Variants in SCFD2 observed in about 807,000 individuals in gnomAD.
SCFD2 encodes the protein sec1 family domain containing 2, also known as sec1 family domain-containing protein 2.
In SCFD2, 54 loss-of-function variants were observed where a neutral mutation model predicts 58.9. The ratio of observed to expected loss-of-function variants is 0.92; its 90% CI spans 0.74 to 1.15. The LOEUF (loss-of-function observed/expected upper bound fraction) is 1.15, where lower values mean the gene tolerates loss of function less well. SCFD2 is among the 50% of genes most tolerant of loss of function. The pLI, the probability that SCFD2 is intolerant of heterozygous loss-of-function variation, is 0.00. For missense variants in SCFD2, 805 were observed against 836.6 expected, an observed-to-expected ratio of 0.96 and a Z score of 0.47; for synonymous variants, 321 against 335.9, an observed-to-expected ratio of 0.96 and a Z score of 0.49.
intron 4 of SCFD2, among the ~76,000 whole-genome samples, chr4:53,207,163 G>A (rs1040351782): frequency 5.9e-5 from 9 of 151,608 alleles, no homozygotes; most frequent in African/African-American, 1.5e-4. Context: ...CATTAGTGAC[G>A]GTTTTGCCCT....
chr4:53,296,375 T>C (rs1490170546), intron 3 of SCFD2, among the ~76,000 whole-genome samples: 1 of 152,212 alleles, frequency 6.6e-6, no homozygotes, highest in African/African-American at 2.4e-5. Context: ...GGAGCGTGTA[T>C]GTGTCCAGGA....
chr4:52,913,043 G>A (rs1410518473), intron 6 of SCFD2, among the ~76,000 whole-genome samples: 3 of 152,164 alleles, frequency 2.0e-5, no homozygotes, highest in Non-Finnish European at 2.9e-5. Context: ...TTGGGAGATT[G>A]GGAGAGGAAT....
Position 53,148,087 on chromosome 4 carries a change from C to T in SCFD2, c.1312-2505G>A, listed in dbSNP as rs557513736. 1.2e-4 allele frequency among the ~76,000 whole-genome samples: 19 copies of T among 152,296 alleles called. No individual in the cohort carries two copies. In the South Asian group the frequency reaches 3.9e-3, roughly 32 times the overall value. ...ACAGATTCTTTCATTGCTTTATGTC[C>T]CATTTCTAGAAACTATGTGTATACA... is the stretch of plus-strand genomic sequence containing the variant. On this transcript the variant is annotated intron_variant, in intron 4 of 8. Coordinates refer to ENST00000401642, the MANE Select transcript of SCFD2 (RefSeq NM_152540.4).
At chr4:53,246,134 A>C (rs1241861997) in intron 4 of SCFD2, among the ~76,000 whole-genome samples, 1 of 152,194 alleles carries the variant, frequency 6.6e-6, no homozygotes, top group Admixed American at 6.5e-5. Flanking sequence ...AATATAGCTA[A>C]TCAGGGAGGG....
At chr4:53,231,495 TA>T (rs1729438534) in intron 4 of SCFD2, among the ~76,000 whole-genome samples, 1 of 152,214 alleles carries the variant, frequency 6.6e-6, no homozygotes, top group South Asian at 2.1e-4. Flanking sequence ...TCTTCACTTC[TA>T]AACTTTAGTC....
Position 53,313,729 on chromosome 4 carries a change from G to A in SCFD2, c.1042C>T (p.Leu348=), listed in dbSNP as rs1306865415. The part of the protein sequence containing the change: ...TTAKALWEAL[L]NTKHKEAVME... ...ACTGCCTCTTTGTGCTTAGTGTTCAGTAAAGCTTCCCATAGGGCTTTGGCT... is the reference window on the plus strand; with the variant it reads ...ACTGCCTCTTTGTGCTTAGTGTTCAATAAAGCTTCCCATAGGGCTTTGGCT... The change falls in exon 3 of 9, where the codon CTG becomes TTG. Residue 348 remains leucine, a synonymous_variant. Coordinates refer to ENST00000401642, the MANE Select transcript of SCFD2 (RefSeq NM_152540.4). The A allele has an allele frequency of 1.5e-5, 24 of 1,613,884 alleles. No homozygotes were observed. Among genetic ancestry groups the A allele is most frequent in the Non-Finnish European group, 1.9e-5 (22 of 1,179,918 alleles).
chr4:53,021,197 T>C (rs1281755869), intron 5 of SCFD2, among the ~76,000 whole-genome samples: 2 of 152,210 alleles, frequency 1.3e-5, no homozygotes, highest in African/African-American at 2.4e-5. Context: ...AGTTGCCACA[T>C]GTCTGAGGTC....
rs1201717283 is a variant in SCFD2, at chr4:52,907,591, C to A, written c.1708G>T (p.Ala570Ser). 1 of 1,613,764 alleles carries A rather than the reference C, an allele frequency of 6.2e-7. No homozygotes were observed. The change falls in exon 7 of 9, where the codon GCA (alanine) becomes TCA (serine). Residue 570 changes from alanine to serine, a missense_variant and splice_region_variant. Physicochemically the swap from Ala to Ser is moderately conservative, Grantham distance 99. This residue lies in a region of SCFD2 where 633 missense variants were observed against 646.8 expected (regional missense o/e 0.98). Coordinates refer to ENST00000401642, the MANE Select transcript of SCFD2 (RefSeq NM_152540.4). ...TGCTTCAACAATGGCTTATAAGATG[C>A]CTGGAAAGACAAAATACTATGAGTA... ...VYVPGNHTHQ[A>S]SYKPLLKQVV...
intron 1 of SCFD2, among the ~76,000 whole-genome samples, chr4:53,354,496 G>A (rs11942086): frequency 6.6e-6 from 1 of 152,092 alleles, no homozygotes; most frequent in South Asian, 2.1e-4. Flanking sequence ...GCTGGCTCCG[G>A]CCTCAACCAG....
Position 53,028,951 on chromosome 4 carries a change from G to A in SCFD2, c.1562-108081C>T, listed in dbSNP as rs1256077810. On this transcript the variant is annotated intron_variant, in intron 5 of 8. Transcript: ENST00000401642. ...AGGTTATTTTCTGAACCATTTCATT[G>A]ACAAACGCATGTTACACATATTTTA... is the stretch of plus-strand genomic sequence containing the variant. Among the ~76,000 whole-genome samples the A allele has an allele frequency of 5.3e-5, 8 of 152,282 alleles. No homozygotes were observed. In the South Asian group the frequency reaches 1.0e-3, roughly 20 times the overall value.
chr4:53,009,613 C>T (rs1006786450), intron 5 of SCFD2, among the ~76,000 whole-genome samples: 3 of 152,160 alleles, frequency 2.0e-5, no homozygotes, highest in Admixed American at 6.5e-5. Context: ...CCTTCGTTCT[C>T]GTAATTCTGA....
At chr4:53,202,610 C>T (rs1728283241) in intron 4 of SCFD2, among the ~76,000 whole-genome samples, 1 of 152,112 alleles carries the variant, frequency 6.6e-6, no homozygotes, top group South Asian at 2.1e-4. Context: ...TGTAAATTAC[C>T]TTGGGCAGTA....
chr4:53,351,780 T>C (rs1734227589), intron 2 of SCFD2, among the ~76,000 whole-genome samples: 2 of 152,150 alleles, frequency 1.3e-5, no homozygotes, highest in African/African-American at 4.8e-5. Flanking sequence ...TTCTTAAATA[T>C]CTACAAAAAG....
chr4:53,058,502 T>C (rs1336034817), intron 5 of SCFD2, among the ~76,000 whole-genome samples: 4 of 152,150 alleles, frequency 2.6e-5, no homozygotes, highest in Admixed American at 2.0e-4. Context: ...TGGCTGCACA[T>C]TGGTATCACC....
intron 5 of SCFD2, among the ~76,000 whole-genome samples, chr4:52,980,458 T>C (rs1457264970): frequency 6.6e-6 from 1 of 152,186 alleles, no homozygotes; most frequent in Non-Finnish European, 1.5e-5. Context: ...CCTCATCAGC[T>C]GTTGAGCATT....
rs1021014476 is a variant in SCFD2 at position 53,256,485 on chromosome 4, G to A, written c.1311+17341C>T. 3.5e-4 allele frequency among the ~76,000 whole-genome samples: 53 copies of A among 152,234 alleles called. No individual in the cohort carries two copies. The Middle Eastern group carries it at 0.014, about 39-fold the overall frequency. On this transcript the variant is annotated intron_variant, in intron 4 of 8. Transcript: ENST00000401642. ...TCACTTCCCAGACGGGGTGGCGGCC[G>A]GGCAGAGGCTGCAATCTCGGCACTT...
At chr4:53,211,856 A>G (rs1236754292) in intron 4 of SCFD2, among the ~76,000 whole-genome samples, 3 of 152,148 alleles carry the variant, frequency 2.0e-5, no homozygotes, top group African/African-American at 7.2e-5. Context: ...CCATTTAAAC[A>G]AAAGCTCTTT....
chr4:53,106,231 G>C (rs1724997795), intron 5 of SCFD2, among the ~76,000 whole-genome samples: 1 of 152,158 alleles, frequency 6.6e-6, no homozygotes, highest in Non-Finnish European at 1.5e-5. Context: ...CAACATCAAA[G>C]ACCAAAGGTA....
chr4:53,031,180 G>A (rs1342592279), intron 5 of SCFD2, among the ~76,000 whole-genome samples: 1 of 152,142 alleles, frequency 6.6e-6, no homozygotes, highest in Non-Finnish European at 1.5e-5. Context: ...CAGACTGGCA[G>A]CAGAAGGGCT....
Sources: allele counts gnomAD v4.1 joint callset (sites outside exome capture counted in the v4.1 genomes callset), GRCh38; gene constraint gnomAD v4.1.1; regional missense constraint gnomAD v4.1.1; transcripts MANE v1.5; gene names NCBI Gene and HGNC (gene_info 2026-07-23, HGNC 2026-07-21).